SART3: variants seen among roughly 807,000 people sequenced by gnomAD.
The protein encoded by SART3 is HIV-1 Tat-interacting protein of 110kDa.
A neutral mutation model predicts 122.3 loss-of-function variants in SART3; 44 were observed. The ratio of observed to expected loss-of-function variants is 0.36; its 90% CI spans 0.28 to 0.46. SART3 has a LOEUF of 0.46. Among genes scored for constraint, SART3 ranks in the 20% least tolerant of loss-of-function variants. SART3 has a pLI of 1.00. For missense variants in SART3, 1,101 were observed against 1,229.0 expected (o/e 0.90, Z 1.56); for synonymous variants, 442 against 454.0 (o/e 0.97, Z 0.34).
chr12:108,537,015 G>C (rs937327179), intron 9 of SART3: 8 of 544,078 alleles, frequency 1.5e-5, no homozygotes, highest in East Asian at 6.6e-5. Flanking sequence ...GGGTGCTGTG[G>C]GGGGGAGTCT....
chr12:108,558,450 A>G (rs919297305), intron 1 of SART3, among the ~76,000 whole-genome samples: 2 of 152,190 alleles, frequency 1.3e-5, no homozygotes, highest in African/African-American at 4.8e-5. Context: ...ACTCCACCCC[A>G]TCCTTGGTGA....
chr12:108,549,781 C>T (rs146140733), intron 1 of SART3, among the ~76,000 whole-genome samples: 2,972 of 151,980 alleles, frequency 0.02, 94 homozygotes, highest in African/African-American at 0.068. Context: ...TTTGGGAGGC[C>T]GAGGCAGGTG....
Position 108,523,527 on chromosome 12 carries a change from G to A in SART3, c.2822C>T (p.Ala941Val). The change falls in exon 19 of 19, where the codon GCC (alanine) becomes GTC (valine). Residue 941 changes from alanine (A) to valine (V), a missense_variant. Ala to Val is a moderately conservative substitution (Grantham distance 64). Around this residue, in one of 2 missense-constraint regions of SART3, gnomAD observed 885 missense variants for 1,080.1 expected, o/e 0.82. Transcript: ENST00000546815. ...ENGPAAAPAV[A>V]APAATEAPKM... ...GGGTGCCTCGGTGGCTGCTGGGGCG[G>A]CAACTGCAGGAGCCGCGGCAGGGCC... 6.2e-7 allele frequency: 1 copy of A among 1,613,736 alleles called. No homozygotes were observed. The highest frequency in any genetic ancestry group is 1.3e-5 in the African/African-American group (1 of 75,010).
chr12:108,530,150 T>G lies in SART3; in HGVS notation c.1907A>C (p.Asp636Ala). 6.2e-7 allele frequency: 1 copy of G among 1,614,144 alleles called. No homozygotes were observed. Among genetic ancestry groups the G allele is most frequent in the Non-Finnish European group, 8.5e-7 (1 of 1,180,034 alleles). ...TCTCAAGAGCTCCTTACCTTCTTCA[T>G]CATCGCCCCACTCTTTCTCATCATC... ...DEDDEKEWGD[D>A]EEEQPSKRRR... The change falls in exon 15 of 19, where the codon GAT becomes GCT. Residue 636 changes from aspartate (D) to alanine (A), a missense_variant. Physicochemically the swap from Asp to Ala is moderately radical, Grantham distance 126. Coordinates refer to ENST00000546815, the MANE Select transcript of SART3 (RefSeq NM_014706.4).
intron 1 of SART3, among the ~76,000 whole-genome samples, chr12:108,549,999 G>C (rs970404995): frequency 8.1e-6 from 1 of 123,642 alleles, no homozygotes; most frequent in African/African-American, 3.1e-5. Flanking sequence ...GGGTGACAGA[G>C]CAAGACCCAA....
At chr12:108,538,431 T>C (rs1403377392) in intron 7 of SART3, among the ~76,000 whole-genome samples, 1 of 152,242 alleles carries the variant, frequency 6.6e-6, no homozygotes, top group Admixed American at 6.5e-5. Flanking sequence ...CCCTACTGGA[T>C]AGACCTCATT....
intron 13 of SART3, 24 bp from the exon 14 acceptor site, chr12:108,531,304 T>G: frequency 6.3e-7 from 1 of 1,587,880 alleles, no homozygotes; most frequent in Non-Finnish European, 8.6e-7. Context: ...GAAGCAAAAC[T>G]TTCACTCTTT....
At chr12:108,531,085 A>C in intron 14 of SART3, 119 bp downstream of exon 14, 1 of 740,498 alleles carries the variant, frequency 1.4e-6, no homozygotes. Context: ...AATATTTTAT[A>C]ATTAATACTG....
At position 108,545,232 on chromosome 12, in the gene SART3, C is replaced by T; in HGVS notation, c.636G>A (p.Arg212=). Residue 212 remains arginine, a synonymous_variant, in exon 4 of 19, where the codon AGG becomes AGA. Coordinates refer to ENST00000546815, the MANE Select transcript of SART3 (RefSeq NM_014706.4). ...GLEKVRSVFE[R]ALSSVGLHMT... ...TATGTAAACCAACAGACGAGAGAGCCCTTTCAAACACGGAGCGAACTTTCT... is the reference window on the plus strand; with the variant it reads ...TATGTAAACCAACAGACGAGAGAGCTCTTTCAAACACGGAGCGAACTTTCT... 1 of 1,614,124 alleles carries T rather than the reference C, an allele frequency of 6.2e-7. No homozygotes were observed. The highest frequency in any genetic ancestry group is 8.5e-7 in the Non-Finnish European group (1 of 1,180,022).
At chr12:108,553,514 A>G (rs758999203) in intron 1 of SART3, among the ~76,000 whole-genome samples, 1 of 152,264 alleles carries the variant, frequency 6.6e-6, no homozygotes, top group East Asian at 1.9e-4. Flanking sequence ...CTTCATTAGT[A>G]TCTACTCTTC....
chr12:108,543,280 T>C (rs890571400), intron 5 of SART3, 128 bp from the exon 6 acceptor site: 5 of 1,121,274 alleles, frequency 4.5e-6, no homozygotes, highest in African/African-American at 1.6e-5. Flanking sequence ...CTCTTACTGA[T>C]CAAATTCTGA....
intron 12 of SART3, among the ~76,000 whole-genome samples, chr12:108,533,302 C>G (rs73189223): frequency 1.5e-3 from 222 of 147,616 alleles, no homozygotes; most frequent in Non-Finnish European, 2.9e-3. Flanking sequence ...CAAATCAAGG[C>G]AGTAGAAATC....
chr12:108,553,462 T>C (rs1486513439), intron 1 of SART3, among the ~76,000 whole-genome samples: 1 of 152,246 alleles, frequency 6.6e-6, no homozygotes, highest in Admixed American at 6.5e-5. Context: ...TTTAAAAAGC[T>C]TTTGTTGGGA....
At position 108,526,097 on chromosome 12, in the gene SART3, A is replaced by G; in HGVS notation, c.2370+2T>C. On this transcript the variant is annotated splice_donor_variant, in intron 16 of 18. Transcript: ENST00000546815. LOFTEE classifies it high-confidence loss of function. ...AGGCATTCTTTTTTTCCATAAACCT[A>G]CCTTAAAATCGGGGTTTTTGCTCTT... 3.1e-6 allele frequency: 5 copies of G among 1,612,576 alleles called. No individual in the cohort carries two copies. Among genetic ancestry groups the G allele is most frequent in the Non-Finnish European group, 4.2e-6 (5 of 1,178,602 alleles).
In SART3 at chr12:108,526,465, C is replaced by T. The variant is rs1872388423; in HGVS notation, c.2004G>A (p.Gly668=). The T allele has an allele frequency of 6.2e-7, 1 of 1,614,072 alleles. No homozygotes were observed. The highest frequency in any genetic ancestry group is 1.1e-5 in the South Asian group (1 of 91,092). ...GCTCCACATCTACGGCAGCACATTT[C>T]CCAGCGGGCCCTGCTGCTACTTCTA... ...QNVEVAAGPA[G]KCAAVDVEPP... is the part of the protein sequence containing the mutation. The change falls in exon 16 of 19, where the codon GGG becomes GGA. Residue 668 remains glycine (G), a synonymous_variant. Coordinates refer to ENST00000546815, the MANE Select transcript of SART3 (RefSeq NM_014706.4).
At chr12:108,540,641 C>CAA (rs36065481) in intron 6 of SART3, among the ~76,000 whole-genome samples, 1 of 125,864 alleles carries the variant, frequency 7.9e-6, no homozygotes, top group Non-Finnish European at 1.7e-5. Context: ...GCATTGAAGG[C>CAA]AAAAAAAAAA....
intron 1 of SART3, among the ~76,000 whole-genome samples, chr12:108,559,880 C>T (rs1158967164): frequency 6.6e-6 from 1 of 152,126 alleles, no homozygotes; most frequent in Non-Finnish European, 1.5e-5. Context: ...GGTATTTCTT[C>T]CCCCACCTCA....
chr12:108,554,824 A>G (rs1359836796), intron 1 of SART3, among the ~76,000 whole-genome samples: 1 of 152,054 alleles, frequency 6.6e-6, no homozygotes, highest in Non-Finnish European at 1.5e-5. Context: ...TATAGAGAAA[A>G]GAATGAGAAC....
chr12:108,550,378 T>G (rs947876790), intron 1 of SART3, among the ~76,000 whole-genome samples: 15 of 152,152 alleles, frequency 9.9e-5, no homozygotes, highest in African/African-American at 3.6e-4. Flanking sequence ...GAACAAACAT[T>G]GTAAGAACTT....
Sources: gnomAD v4.1 joint callset for allele counts (sites outside exome capture counted in the v4.1 genomes callset) on GRCh38, gnomAD v4.1.1 for gene constraint, gnomAD v4.1.1 regional missense constraint, MANE v1.5 for transcripts, NCBI Gene and HGNC (gene_info 2026-07-23, HGNC 2026-07-21) for gene names.